The following LRRC7 variants were observed in gnomAD, a reference collection of about 807,000 sequenced individuals.
LRRC7 encodes leucine-rich repeat-containing protein 7.
A neutral mutation model predicts 175.7 loss-of-function variants in LRRC7; 23 were observed. The observed-to-expected ratio is 0.13, with a 90% confidence interval of 0.09 to 0.19. The LOEUF (loss-of-function observed/expected upper bound fraction) is 0.19. Ranked by LOEUF, LRRC7 falls within the 10% of genes least tolerant of loss-of-function variation. The pLI is 1.00. For synonymous variants in LRRC7, 685 were observed against 680.9 expected (o/e 1.01, Z -0.09); for missense variants, 1,354 against 1,904.7 (o/e 0.71, Z 5.38).
intron 18 of LRRC7, among the ~76,000 whole-genome samples, chr1:70,034,180 T>G (rs756898831): frequency 3.3e-5 from 5 of 152,156 alleles, no homozygotes; most frequent in Non-Finnish European, 5.9e-5. Context: ...AACTCATATC[T>G]TCTTATAAAT....
At chr1:69,808,417 A>T (rs1331051481) in intron 4 of LRRC7, among the ~76,000 whole-genome samples, 2 of 152,030 alleles carry the variant, frequency 1.3e-5, no homozygotes, top group East Asian at 1.9e-4. Flanking sequence ...CGCACCTAAC[A>T]GACATCTACA....
At chr1:69,728,182 T>C (rs879575558) in intron 2 of LRRC7, among the ~76,000 whole-genome samples, 98 of 152,198 alleles carry the variant, frequency 6.4e-4, no homozygotes, top group Non-Finnish European at 1.3e-3. Flanking sequence ...TTCTGGAAAG[T>C]ATAAATTTCT....
In LRRC7 at chr1:69,796,890, T is replaced by G. The variant is rs188511389; in HGVS notation, c.421+4730T>G. Among the ~76,000 whole-genome samples the G allele has an allele frequency of 6.6e-4, 101 of 152,300 alleles. 1 individual carries two copies. The South Asian group carries it at 0.015, about 22-fold the overall frequency. ...CTGACACTGTATACATAAGGAGAAT[T>G]AATTCCTTCTTCCTCTGTGATACTT... On this transcript the variant is annotated intron_variant, in intron 4 of 26. Coordinates refer to ENST00000651989, the MANE Select transcript of LRRC7 (RefSeq NM_001370785.2).
At chr1:69,674,188 G>T (rs1659481590) in intron 1 of LRRC7, among the ~76,000 whole-genome samples, 1 of 151,862 alleles carries the variant, frequency 6.6e-6, no homozygotes, top group Non-Finnish European at 1.5e-5. Context: ...AATTTTACCA[G>T]AATTAAAAAT....
At chr1:69,648,159 C>T (rs1345902324) in intron 1 of LRRC7, among the ~76,000 whole-genome samples, 5 of 151,828 alleles carry the variant, frequency 3.3e-5, no homozygotes, top group Non-Finnish European at 7.4e-5. Context: ...GGAACGTAAC[C>T]TTTAAGAAAA....
intron 4 of LRRC7, among the ~76,000 whole-genome samples, chr1:69,814,658 A>T (rs914083291): frequency 1.3e-5 from 2 of 152,068 alleles, no homozygotes; most frequent in African/African-American, 4.8e-5. Flanking sequence ...AACTACTACT[A>T]TTTCTCTGTG....
chr1:69,909,917 A>G (rs746467091), intron 7 of LRRC7, among the ~76,000 whole-genome samples: 16 of 152,078 alleles, frequency 1.1e-4, no homozygotes, highest in African/African-American at 2.7e-4. Flanking sequence ...CCAATCAGAC[A>G]TAGATTTGGT....
chr1:69,837,110 T>C lies in LRRC7; in HGVS notation c.591-1117T>C, dbSNP rs141884400. ...CTGCAAAACTTAACAAGTAACTAAG[T>C]GTGAAATGCATTCCTAATCACAAAT... On this transcript the variant is annotated intron_variant, in intron 6 of 26. Coordinates refer to ENST00000651989, the MANE Select transcript of LRRC7 (RefSeq NM_001370785.2). Among the ~76,000 whole-genome samples the C allele has an allele frequency of 2.3e-3, 344 of 152,024 alleles. 1 individual carries two copies. The highest frequency in any genetic ancestry group is 7.9e-3 in the African/African-American group (327 of 41,538).
chr1:70,007,141 T>C (rs571433902), intron 11 of LRRC7, among the ~76,000 whole-genome samples: 1 of 152,254 alleles, frequency 6.6e-6, no homozygotes, highest in East Asian at 1.9e-4. Context: ...AGACCGAAAC[T>C]TCCAGCCCTC....
At chr1:69,951,951 TAATA>T (rs1649984058) in intron 8 of LRRC7, among the ~76,000 whole-genome samples, 1 of 151,860 alleles carries the variant, frequency 6.6e-6, no homozygotes, top group South Asian at 2.1e-4. Context: ...AAATTAATAA[TAATA>T]AATAAAAGAT....
intron 2 of LRRC7, among the ~76,000 whole-genome samples, chr1:69,719,747 TCAAA>T (rs901397072): frequency 6.6e-6 from 1 of 151,576 alleles, no homozygotes; most frequent in African/African-American, 2.4e-5. Flanking sequence ...TGTAAAAACC[TCAAA>T]CAATACAAAA....
At chr1:69,858,860 C>T (rs1205426623) in intron 7 of LRRC7, among the ~76,000 whole-genome samples, 1 of 152,056 alleles carries the variant, frequency 6.6e-6, no homozygotes, top group Non-Finnish European at 1.5e-5. Flanking sequence ...TGGTAACCTC[C>T]TCAATGCCTA....
chr1:69,783,523 G>A (rs552498641), intron 3 of LRRC7, among the ~76,000 whole-genome samples: 2 of 152,182 alleles, frequency 1.3e-5, no homozygotes, highest in African/African-American at 2.4e-5. Context: ...TTGGGAGGCC[G>A]AGGCAGGCAG....
At chr1:70,085,501 G>A (rs968455236) in intron 24 of LRRC7, among the ~76,000 whole-genome samples, 1 of 152,054 alleles carries the variant, frequency 6.6e-6, no homozygotes, top group African/African-American at 2.4e-5. Context: ...GTTTCTTGAC[G>A]TATGCCCTAA....
At chr1:70,113,739 AG>A (rs1204137356) in intron 26 of LRRC7, among the ~76,000 whole-genome samples, 5 of 151,592 alleles carry the variant, frequency 3.3e-5, no homozygotes, top group African/African-American at 9.7e-5. Flanking sequence ...AAAAAAAAAA[AG>A]AGTTCATGGT....
intron 7 of LRRC7, chr1:69,874,776 T>C (rs547366344): frequency 3.9e-5 from 6 of 152,146 alleles, no homozygotes; most frequent in African/African-American, 7.2e-5. Context: ...TATCTGAAAG[T>C]AGATGTTGGT....
chr1:70,060,135 A>C (rs1251823403), intron 23 of LRRC7, among the ~76,000 whole-genome samples: 2 of 151,994 alleles, frequency 1.3e-5, no homozygotes, highest in Non-Finnish European at 2.9e-5. Flanking sequence ...CTGGCCAACA[A>C]GGCAAAACCC....
chr1:69,809,769 G>A (rs1265340061), intron 4 of LRRC7, among the ~76,000 whole-genome samples: 1 of 152,116 alleles, frequency 6.6e-6, no homozygotes, highest in Non-Finnish European at 1.5e-5. Flanking sequence ...TTGATGGAAT[G>A]TATCTCAATG....
intron 7 of LRRC7, among the ~76,000 whole-genome samples, chr1:69,904,142 A>G (rs982622710): frequency 2.6e-5 from 4 of 152,188 alleles, no homozygotes; most frequent in African/African-American, 9.6e-5. Context: ...GGTTTTAGCA[A>G]TCAAATGGTA....
Sources: gnomAD v4.1 joint callset for allele counts (sites outside exome capture counted in the v4.1 genomes callset) on GRCh38, gnomAD v4.1.1 for gene constraint, MANE v1.5 for transcripts, NCBI Gene and HGNC (gene_info 2026-07-23, HGNC 2026-07-21) for gene names.